The following TSHZ3 variants were observed in gnomAD, a reference collection of about 807,000 sequenced individuals.
TSHZ3 encodes teashirt zinc finger homeobox 3, also known as teashirt homolog 3.
In TSHZ3, 10 loss-of-function variants were observed where a neutral mutation model predicts 64.5. The observed-to-expected ratio is 0.16, with a 90% CI of 0.10 to 0.26. The LOEUF (loss-of-function observed/expected upper bound fraction) is 0.26. Among genes scored for constraint, TSHZ3 ranks in the 10% least tolerant of loss-of-function variants. The probability of loss-of-function intolerance (pLI) is 1.00; values close to 1 mark genes in which losing one functional copy is unlikely to be tolerated. For missense variants in TSHZ3, 1,242 were observed against 1,421.7 expected (o/e 0.87, Z 2.03); for synonymous variants, 608 against 593.1 (o/e 1.03, Z -0.36).
chr19:31,315,939 T>C (rs1916588964), intron 1 of TSHZ3, among the ~76,000 whole-genome samples: 1 of 133,096 alleles, frequency 7.5e-6, no homozygotes, highest in Non-Finnish European at 1.6e-5. Context: ...ACATCGACCA[T>C]TTTTTTTTCC....
chr19:31,175,143 G>A (rs918131708), intron 5 of TSHZ3, among the ~76,000 whole-genome samples: 2 of 152,170 alleles, frequency 1.3e-5, no homozygotes, highest in African/African-American at 4.8e-5. Flanking sequence ...AGTTCATCAT[G>A]ACTGGCAAGG....
intron 1 of TSHZ3, among the ~76,000 whole-genome samples, chr19:31,315,500 C>A (rs1466013929): frequency 6.6e-6 from 1 of 152,228 alleles, no homozygotes; most frequent in Non-Finnish European, 1.5e-5. Context: ...CAGGCCGCAG[C>A]AGTGGGGCCC....
intron 1 of TSHZ3, among the ~76,000 whole-genome samples, chr19:31,342,150 G>T (rs935202079): frequency 2.6e-5 from 4 of 152,166 alleles, no homozygotes; most frequent in African/African-American, 9.7e-5. Context: ...ACATCTAACA[G>T]AATTAATTAC....
intron 3 of TSHZ3, among the ~76,000 whole-genome samples, chr19:31,238,618 A>G (rs2145181991): frequency 6.6e-6 from 1 of 152,162 alleles, no homozygotes; most frequent in African/African-American, 2.4e-5. Context: ...CTTGCTAGTG[A>G]ATTGTTCCTT....
At chr19:31,171,445 G>A (rs1335711840) in intron 5 of TSHZ3, among the ~76,000 whole-genome samples, 1 of 152,124 alleles carries the variant, frequency 6.6e-6, no homozygotes, top group Non-Finnish European at 1.5e-5. Context: ...GTAACTATGT[G>A]TGGGAAAACT....
At chr19:31,239,854 C>T (rs1048096636) in intron 3 of TSHZ3, among the ~76,000 whole-genome samples, 1 of 152,132 alleles carries the variant, frequency 6.6e-6, no homozygotes, top group Non-Finnish European at 1.5e-5. Flanking sequence ...AACACTTGCA[C>T]TTTTAAAATG....
At chr19:31,268,604 A>G (rs1976089390) in intron 1 of TSHZ3, among the ~76,000 whole-genome samples, 1 of 152,198 alleles carries the variant, frequency 6.6e-6, no homozygotes, top group Non-Finnish European at 1.5e-5. Context: ...GGCATCACAG[A>G]GATTACAGCC....
At chr19:31,342,165 C>G (rs923092991) in intron 1 of TSHZ3, among the ~76,000 whole-genome samples, 9 of 152,184 alleles carry the variant, frequency 5.9e-5, no homozygotes, top group African/African-American at 2.2e-4. Context: ...AATTACAGAA[C>G]TTCGTATCAT....
At position 31,276,651 on chromosome 19, in the gene TSHZ3, G is replaced by A. The variant is rs372131592; in HGVS notation, c.3142C>T (p.Arg1048Trp). 1.9e-6 allele frequency: 3 copies of A among 1,612,990 alleles called. No individual in the cohort carries two copies. Among genetic ancestry groups the A allele is most frequent in the South Asian group, 1.1e-5 (1 of 91,000 alleles). ...GTSYQCKLCN[R>W]TFASKHAVKL... ...ACAGCGTGCTTGCTGGCAAAGGTCC[G>A]ATTGCAAAGTTTGCACTGATAGGAA... Residue 1048 changes from arginine to tryptophan, a missense_variant, in exon 2 of 2, where the codon CGG becomes TGG. By Grantham distance (101) the Arg-to-Trp change is moderately radical. Around this residue, in one of 4 missense-constraint regions of TSHZ3, gnomAD observed 126 missense variants for 140.6 expected, o/e 0.90. Transcript: ENST00000240587.
At chr19:31,286,185 C>T (rs1258766514) in intron 1 of TSHZ3, among the ~76,000 whole-genome samples, 1 of 152,192 alleles carries the variant, frequency 6.6e-6, no homozygotes, top group African/African-American at 2.4e-5. Context: ...AGACAGCCAT[C>T]GATCTCTCAA....
chr19:31,209,466 G>C (rs1038984555), intron 4 of TSHZ3, among the ~76,000 whole-genome samples: 1 of 152,184 alleles, frequency 6.6e-6, no homozygotes, highest in African/African-American at 2.4e-5. Flanking sequence ...TAGGACTTCA[G>C]GCCAGTCTCA....
chr19:31,340,338 CAAAA>C (rs1160334453), intron 1 of TSHZ3, among the ~76,000 whole-genome samples: 386 of 32,708 alleles, frequency 0.012, 2 homozygotes, highest in African/African-American at 0.034. Flanking sequence ...GCCTACAGTA[CAAAA>C]AAAAAAAAAA....
chr19:31,191,686 A>C (rs1405326471), intron 5 of TSHZ3, among the ~76,000 whole-genome samples: 2 of 151,926 alleles, frequency 1.3e-5, no homozygotes, highest in Admixed American at 6.6e-5. Flanking sequence ...GTGAGACCCC[A>C]TCCCTAGAAA....
chr19:31,288,275 T>C (rs1976501477), intron 1 of TSHZ3, among the ~76,000 whole-genome samples: 1 of 152,132 alleles, frequency 6.6e-6, no homozygotes, highest in African/African-American at 2.4e-5. Flanking sequence ...CTCCTGCCCT[T>C]TCCTCAGAGC....
At chr19:31,326,621 C>A (rs1916937171) in intron 1 of TSHZ3, among the ~76,000 whole-genome samples, 2 of 152,252 alleles carry the variant, frequency 1.3e-5, no homozygotes, top group Admixed American at 1.3e-4. Flanking sequence ...AAGTCACTTT[C>A]TCATGGGGCT....
intron 1 of TSHZ3, among the ~76,000 whole-genome samples, chr19:31,281,375 C>T (rs1976359007): frequency 6.6e-6 from 1 of 152,156 alleles, no homozygotes; most frequent in South Asian, 2.1e-4. Context: ...TAAGCCAAGA[C>T]ACATGGAATC....
At chr19:31,163,748 A>G (rs1974402730) in intron 5 of TSHZ3, among the ~76,000 whole-genome samples, 1 of 152,168 alleles carries the variant, frequency 6.6e-6, no homozygotes, top group African/African-American at 2.4e-5. Flanking sequence ...ACAAAGAACA[A>G]GAAAGATGAC....
chr19:31,183,215 TCTCTCTCTC>T (rs1974748792), intron 5 of TSHZ3, among the ~76,000 whole-genome samples: 1 of 100,304 alleles, frequency 1.0e-5, no homozygotes, highest in Admixed American at 1.1e-4. Context: ...TCTCTCTCTC[TCTCTCTCTC>T]TCTTTCTCTC....
Position 31,279,378 on chromosome 19 carries a change from G to A in TSHZ3, c.415C>T (p.His139Tyr). ...TTGTTCTTCTCCGAGGAGGGCTGGT[G>A]CAGGTTGAGGTTGAGGTTGGACCAG... ...SYWSNLNLNL[H>Y]QPSSEKNNGS... The change falls in exon 2 of 2, where the codon CAC becomes TAC. Residue 139 changes from histidine (H) to tyrosine (Y), a missense_variant. Coordinates refer to ENST00000240587, the MANE Select transcript of TSHZ3 (RefSeq NM_020856.4). The surrounding 1 kb of genome is among the most constrained non-coding windows in gnomAD (Gnocchi z 6.4). 6.2e-7 allele frequency: 1 copy of A among 1,614,206 alleles called. No homozygotes were observed. The highest frequency in any genetic ancestry group is 8.5e-7 in the Non-Finnish European group (1 of 1,180,030).
Sources: allele counts gnomAD v4.1 joint callset (sites outside exome capture counted in the v4.1 genomes callset), GRCh38; gene constraint gnomAD v4.1.1; regional missense constraint gnomAD v4.1.1; non-coding constraint Gnocchi (gnomAD v3.1); transcripts MANE v1.5; gene names NCBI Gene and HGNC (gene_info 2026-07-23, HGNC 2026-07-21).